LARGE1: variants seen among roughly 807,000 people sequenced by gnomAD.
LARGE1 encodes the protein LARGE xylosyl- and glucuronyltransferase 1.
Under a neutral mutation model 87.6 loss-of-function variants are expected in LARGE1, and 43 were observed. The observed-to-expected ratio is 0.49, with a 90% CI of 0.38 to 0.63. The LOEUF is 0.63. Among genes scored for constraint, LARGE1 ranks in the 30% least tolerant of loss-of-function variants. LARGE1 has a pLI of 0.00. For missense variants in LARGE1, 802 were observed against 1,000.2 expected, an observed-to-expected ratio of 0.80 and a Z score of 2.67; for synonymous variants, 434 against 394.6, an observed-to-expected ratio of 1.10 and a Z score of -1.18.
intron 1 of LARGE1, among the ~76,000 whole-genome samples, chr22:33,772,333 A>AG (rs2085097440): frequency 1.4e-5 from 1 of 69,172 alleles, no homozygotes; most frequent in African/African-American, 8.9e-5. Flanking sequence ...ACTCTGCCTC[A>AG]AAAAAAAAAG....
At chr22:33,606,214 G>A (rs1460198849) in intron 4 of LARGE1, among the ~76,000 whole-genome samples, 1 of 152,040 alleles carries the variant, frequency 6.6e-6, no homozygotes, top group Non-Finnish European at 1.5e-5. Context: ...GACCATCCTG[G>A]GTAACACAGT....
At chr22:33,911,069 T>G (rs939953493) in intron 1 of LARGE1, among the ~76,000 whole-genome samples, 8 of 152,070 alleles carry the variant, frequency 5.3e-5, no homozygotes, top group African/African-American at 1.9e-4. Flanking sequence ...GCTGTGAGAA[T>G]GAAATAACAA....
intron 2 of LARGE1, among the ~76,000 whole-genome samples, chr22:33,707,305 T>C (rs2082591589): frequency 6.6e-6 from 1 of 152,236 alleles, no homozygotes; most frequent in Non-Finnish European, 1.5e-5. Flanking sequence ...AGTCCATTAG[T>C]AAAATACAGG....
At chr22:33,330,401 C>T (rs1937588613) in intron 10 of LARGE1, among the ~76,000 whole-genome samples, 1 of 152,144 alleles carries the variant, frequency 6.6e-6, no homozygotes, top group Non-Finnish European at 1.5e-5. Flanking sequence ...TAGCTCACTT[C>T]AACCTTAAAC....
At chr22:33,129,617 C>T in the LARGE1 span, among the ~76,000 whole-genome samples, 3 of 152,050 alleles carry the variant, frequency 2.0e-5, no homozygotes, top group South Asian at 2.1e-4. Context: ...AAGAAATGCC[C>T]GAGACTGGGT....
the LARGE1 span, among the ~76,000 whole-genome samples, chr22:33,082,506 T>G: frequency 6.6e-6 from 1 of 152,204 alleles, no homozygotes; most frequent in Non-Finnish European, 1.5e-5. Context: ...GCTTGACATC[T>G]GCTATTGATT....
chr22:33,921,647 A>T (rs765389902), upstream of LARGE1, among the ~76,000 whole-genome samples: 24 of 151,970 alleles, frequency 1.6e-4, no homozygotes, highest in Non-Finnish European at 3.5e-4. The surrounding 1 kb of genome is among the most constrained non-coding windows in gnomAD (Gnocchi z 4.1). Flanking sequence ...AGGAAACTAC[A>T]TTTCTTTTTC....
At chr22:33,568,311 C>T (rs149843855) in intron 5 of LARGE1, among the ~76,000 whole-genome samples, 16 of 152,336 alleles carry the variant, frequency 1.1e-4, no homozygotes, top group African/African-American at 3.4e-4. Context: ...TCAACCCTAA[C>T]GGAAACCAGA....
At chr22:33,716,156 C>T (rs868061850) in intron 2 of LARGE1, among the ~76,000 whole-genome samples, 1 of 152,012 alleles carries the variant, frequency 6.6e-6, no homozygotes, top group South Asian at 2.1e-4. Context: ...AAAATGACTC[C>T]TATATCCTCA....
intron 7 of LARGE1, among the ~76,000 whole-genome samples, chr22:33,411,674 G>A (rs1202092628): frequency 6.6e-6 from 1 of 152,012 alleles, no homozygotes; most frequent in Admixed American, 6.6e-5. Flanking sequence ...AACAAACATG[G>A]GTAATGAGAA....
chr22:33,711,271 G>C (rs909480874), intron 2 of LARGE1, among the ~76,000 whole-genome samples: 1 of 152,312 alleles, frequency 6.6e-6, no homozygotes, highest in Non-Finnish European at 1.5e-5. Flanking sequence ...CGTCCAGGGG[G>C]TCTGCAGCAG....
intron 1 of LARGE1, among the ~76,000 whole-genome samples, chr22:33,841,990 C>G (rs1420021255): frequency 2.0e-5 from 3 of 152,198 alleles, no homozygotes; most frequent in African/African-American, 7.2e-5. Context: ...AAATAACAGT[C>G]TAAAATATTT....
intron 6 of LARGE1, chr22:33,436,661 TG>T (rs2067283019): frequency 6.5e-6 from 1 of 152,750 alleles, no homozygotes; most frequent in African/African-American, 2.4e-5. Context: ...TCCACATCCA[TG>T]GGGAAGAGAA....
chr22:33,746,395 G>A (rs1324292900), intron 2 of LARGE1: 2 of 152,290 alleles, frequency 1.3e-5, no homozygotes, highest in African/African-American at 2.4e-5. Flanking sequence ...AAGATTCATT[G>A]AGCATCTACT....
At chr22:33,130,462 C>T in the LARGE1 span, among the ~76,000 whole-genome samples, 1 of 151,772 alleles carries the variant, frequency 6.6e-6, no homozygotes, top group Non-Finnish European at 1.5e-5. Flanking sequence ...TGCACTCCAG[C>T]CTGGGTGACA....
chr22:33,086,230 C>T, the LARGE1 span, among the ~76,000 whole-genome samples: 1 of 152,036 alleles, frequency 6.6e-6, no homozygotes, highest in African/African-American at 2.4e-5. Flanking sequence ...GAACACCATC[C>T]ACCATGATAG....
chr22:33,067,985 A>AG, the LARGE1 span, among the ~76,000 whole-genome samples: 2 of 152,104 alleles, frequency 1.3e-5, no homozygotes, highest in African/African-American at 4.8e-5. Context: ...CTCAAAAAAA[A>AG]AAAAGACTTT....
chr22:33,823,662 G>A (rs866840397), intron 1 of LARGE1, among the ~76,000 whole-genome samples: 5 of 152,140 alleles, frequency 3.3e-5, no homozygotes, highest in South Asian at 2.1e-4. Context: ...CAGTGTGACT[G>A]TAGACAGATG....
intron 2 of LARGE1, among the ~76,000 whole-genome samples, chr22:33,742,943 G>C (rs1040296769): frequency 1.3e-5 from 2 of 152,064 alleles, no homozygotes; most frequent in Non-Finnish European, 2.9e-5. Flanking sequence ...GTTAGCAGTG[G>C]AGCCTGGTGG....
Sources: allele counts gnomAD v4.1 joint callset (sites outside exome capture counted in the v4.1 genomes callset), GRCh38; gene constraint gnomAD v4.1.1; non-coding constraint Gnocchi (gnomAD v3.1); transcripts MANE v1.5; gene names NCBI Gene and HGNC (gene_info 2026-07-23, HGNC 2026-07-21).